Variants in YWHAZ observed in about 807,000 individuals in gnomAD.
YWHAZ encodes the protein 14-3-3 protein zeta/delta.
For synonymous variants in YWHAZ, 87 were observed against 103.6 expected, an observed-to-expected ratio of 0.84 and a Z score of 0.97; for missense variants, 79 against 284.8, an observed-to-expected ratio of 0.28 and a Z score of 5.20.
At chr8:100,951,104 G>A (rs1188437985) in intron 1 of YWHAZ, 8 of 915,752 alleles carry the variant, frequency 8.7e-6, no homozygotes, top group Non-Finnish European at 9.1e-6. Context: ...CCCCCACCAG[G>A]AAAATTCAAG....
intron 2 of YWHAZ, among the ~76,000 whole-genome samples, chr8:100,925,754 T>C (rs749003510): frequency 1.3e-5 from 2 of 152,050 alleles, no homozygotes; most frequent in South Asian, 2.1e-4. Flanking sequence ...AAAACTACTA[T>C]TACAATCTGA....
At chr8:100,951,586 C>G (rs1033283807) in intron 1 of YWHAZ, 3 of 984,730 alleles carry the variant, frequency 3.0e-6, no homozygotes, top group African/African-American at 1.8e-5. Context: ...GGCGGCGCCC[C>G]GGCCATGCCT....
At chr8:100,950,603 C>A in intron 1 of YWHAZ, 1 of 985,874 alleles carries the variant, frequency 1.0e-6, no homozygotes, top group Non-Finnish European at 1.2e-6. Flanking sequence ...AGTGTTAATT[C>A]CTCCCCCCGA....
chr8:100,917,802 T>C lies in YWHAZ; in HGVS notation c.*2891A>G, dbSNP rs181064620. 538 of 152,266 alleles carry C rather than the reference T, an allele frequency of 3.5e-3. 6 individuals are homozygous for C. The highest frequency in any genetic ancestry group is 0.012 in the African/African-American group (516 of 41,558). 9.4% of individuals were successfully genotyped at this position (152,266 alleles called of 1,614,324 possible). A position where few individuals can be genotyped will look rare whatever the true frequency, so the allele number is the denominator to read the frequency against. On this transcript the variant is annotated 3_prime_UTR_variant, in exon 6 of 6. Transcript: ENST00000395958. ...AATTTCCTGGCACTAGGATGTTACATTGACAAAAGCAGACGTAAAGCCTGG... is the reference window on the plus strand; with the variant it reads ...AATTTCCTGGCACTAGGATGTTACACTGACAAAAGCAGACGTAAAGCCTGG...
At chr8:100,933,360 A>G (rs1051499611) in intron 2 of YWHAZ, among the ~76,000 whole-genome samples, 19 of 146,088 alleles carry the variant, frequency 1.3e-4, no homozygotes, top group Non-Finnish European at 2.7e-4. Flanking sequence ...CTCCGTCTCA[A>G]AAAAAAAAAA....
At chr8:100,929,040 T>C (rs1009517678) in intron 2 of YWHAZ, among the ~76,000 whole-genome samples, 6 of 152,176 alleles carry the variant, frequency 3.9e-5, no homozygotes, top group African/African-American at 1.4e-4. Flanking sequence ...AGGTATTTTG[T>C]AGAGGAGATT....
Position 100,924,565 on chromosome 8 carries a change from C to G in YWHAZ, c.419-267G>C, listed in dbSNP as rs148633809. Among the ~76,000 whole-genome samples, 67 of 152,168 alleles carry G rather than the reference C, an allele frequency of 4.4e-4. No homozygotes were observed. In the East Asian group the frequency reaches 0.013, roughly 28 times the overall value. ...TTGACGAGTTTTGACATCCCAGACC[C>G]AAGCAATCCTCCCACCTCAGCCTCC... On this transcript the variant is annotated intron_variant, in intron 3 of 5. Transcript: ENST00000395958. This position sits in a 1 kb window ranked among gnomAD's most constrained non-coding sequence, Gnocchi z 5.7.
chr8:100,918,784 G>A lies in YWHAZ; in HGVS notation c.*1909C>T, dbSNP rs1319541262. Reference sequence around the variant, plus strand: ...TGTACTAGGCACAATAGAACATACAGAAAACATTGTCCCTGCTCTTGAGGA... The same window carrying A: ...TGTACTAGGCACAATAGAACATACAAAAAACATTGTCCCTGCTCTTGAGGA... On this transcript the variant is annotated 3_prime_UTR_variant, in exon 6 of 6. Transcript: ENST00000395958. 6.6e-6 allele frequency: 1 copy of A among 152,472 alleles called. No individual in the cohort carries two copies. Among genetic ancestry groups the A allele is most frequent in the African/African-American group, 2.4e-5 (1 of 41,402 alleles). 9.4% of individuals were successfully genotyped at this position (152,472 alleles called of 1,614,324 possible). A position where few individuals can be genotyped will look rare whatever the true frequency, so the allele number is the denominator to read the frequency against.
At chr8:100,949,106 T>TA (rs1464766774) in intron 1 of YWHAZ, among the ~76,000 whole-genome samples, 2 of 152,186 alleles carry the variant, frequency 1.3e-5, no homozygotes, top group Non-Finnish European at 2.9e-5. Flanking sequence ...GAGGTAAACT[T>TA]ACAGCCATTA....
intron 2 of YWHAZ, among the ~76,000 whole-genome samples, chr8:100,928,068 A>G (rs1052082490): frequency 6.6e-6 from 1 of 152,176 alleles, no homozygotes; most frequent in African/African-American, 2.4e-5. Context: ...TCACGAGGTC[A>G]GGAGATCGAG....
chr8:100,931,512 A>T (rs971129062), intron 2 of YWHAZ, among the ~76,000 whole-genome samples: 1 of 152,346 alleles, frequency 6.6e-6, no homozygotes, highest in Non-Finnish European at 1.5e-5. Context: ...ACTTGTTAGA[A>T]GAAAAGCTTG....
chr8:100,951,628 TC>T (rs1563695346), intron 1 of YWHAZ: 3 of 983,170 alleles, frequency 3.1e-6, no homozygotes, highest in Non-Finnish European at 3.6e-6. Flanking sequence ...GACAGGGAGA[TC>T]CCCAGGGATC....
chr8:100,937,641 T>C (rs1171375323), intron 2 of YWHAZ, among the ~76,000 whole-genome samples: 1 of 152,180 alleles, frequency 6.6e-6, no homozygotes, highest in Non-Finnish European at 1.5e-5. Context: ...CATAACCCAT[T>C]CTTCTGTTTT....
chr8:100,929,640 G>T (rs1324662232), intron 2 of YWHAZ, among the ~76,000 whole-genome samples: 1 of 152,092 alleles, frequency 6.6e-6, no homozygotes, highest in Non-Finnish European at 1.5e-5. Context: ...CCGGATTTTT[G>T]TACACGTGGT....
intron 2 of YWHAZ, among the ~76,000 whole-genome samples, chr8:100,943,703 C>T (rs1198714853): frequency 6.6e-6 from 1 of 152,100 alleles, no homozygotes; most frequent in African/African-American, 2.4e-5. Context: ...AGACACTGTC[C>T]AGGCCGGGCG....
rs1157694773 is a variant in YWHAZ at position 100,918,188 on chromosome 8, C to T, written c.*2505G>A. 4 of 150,512 alleles carry T rather than the reference C, an allele frequency of 2.7e-5. No individual in the cohort carries two copies. The highest frequency in any genetic ancestry group is 5.9e-5 in the Non-Finnish European group (4 of 67,644). 9.3% of individuals were successfully genotyped at this position (150,512 alleles called of 1,614,324 possible). ...TGAAACCCTGTCTCTACTAAAAACA[C>T]AAAAATTAGCCAGGTGTGGTGGCGG... On this transcript the variant is annotated 3_prime_UTR_variant, in exon 6 of 6. Coordinates refer to ENST00000395958, the MANE Select transcript of YWHAZ (RefSeq NM_145690.3).
Position 100,948,352 on chromosome 8 carries a change from AATACT to A in YWHAZ, c.294+239_294+243del, listed in dbSNP as rs1810460753. ...TATATTTTCAATTAATATAAAATAC[AATACT>A]AAAGTCTGTTATTTTTAACAAAACT... On this transcript the variant is annotated intron_variant, in intron 2 of 5. Coordinates refer to ENST00000395958, the MANE Select transcript of YWHAZ (RefSeq NM_145690.3). The surrounding 1 kb of genome is among the most constrained non-coding windows in gnomAD (Gnocchi z 4.2). Among the ~76,000 whole-genome samples, 1 of 152,246 alleles carries A rather than the reference AATACT, an allele frequency of 6.6e-6. No homozygotes were observed. The highest frequency in any genetic ancestry group is 6.5e-5 in the Admixed American group (1 of 15,286).
intron 1 of YWHAZ, chr8:100,951,036 C>A (rs1304611752): frequency 2.1e-5 from 10 of 465,430 alleles, no homozygotes; most frequent in Non-Finnish European, 2.8e-5. Context: ...CTTGCAGCCC[C>A]CGTCCACACC....
chr8:100,942,682 A>G (rs1037677770), intron 2 of YWHAZ, among the ~76,000 whole-genome samples: 1 of 152,246 alleles, frequency 6.6e-6, no homozygotes, highest in Admixed American at 6.5e-5. Context: ...AAAGATGGTA[A>G]TTAGCAACAG....
Sources: gnomAD v4.1 joint callset for allele counts (sites outside exome capture counted in the v4.1 genomes callset) on GRCh38, gnomAD v4.1.1 for gene constraint, Gnocchi (gnomAD v3.1) non-coding constraint, MANE v1.5 for transcripts, NCBI Gene and HGNC (gene_info 2026-07-23, HGNC 2026-07-21) for gene names.